The following FSTL4 variants were observed in gnomAD, a reference collection of about 807,000 sequenced individuals.
The protein encoded by FSTL4 is follistatin like 4, also known as follistatin-related protein 4.
FSTL4 carries 28 observed loss-of-function variants against 78.2 expected under a neutral mutation model. The ratio of observed to expected loss-of-function variants is 0.36; its 90% CI spans 0.27 to 0.49. FSTL4 has a LOEUF of 0.49. Among genes scored for constraint, FSTL4 ranks in the 20% least tolerant of loss-of-function variants. FSTL4 has a pLI of 0.98. For missense variants in FSTL4, 922 were observed against 1,084.9 expected (o/e 0.85, Z 2.11); for synonymous variants, 422 against 440.5 (o/e 0.96, Z 0.53).
chr5:133,341,433 C>T (rs529247171), intron 4 of FSTL4, among the ~76,000 whole-genome samples: 206 of 152,226 alleles, frequency 1.4e-3, no homozygotes, highest in Non-Finnish European at 2.4e-3. Flanking sequence ...CCCCAGAACA[C>T]GGCTTCTCCT....
chr5:133,581,444 C>T (rs190484511), intron 2 of FSTL4, among the ~76,000 whole-genome samples: 32 of 152,352 alleles, frequency 2.1e-4, no homozygotes, highest in Middle Eastern at 3.4e-3. Context: ...AGCATGCAGA[C>T]GGCATGCAAT....
chr5:133,437,488 T>G (rs1407697068), intron 3 of FSTL4, among the ~76,000 whole-genome samples: 4 of 139,828 alleles, frequency 2.9e-5, no homozygotes, highest in Non-Finnish European at 6.1e-5. Context: ...AATAGGTGTT[T>G]TTTTTTTTTT....
rs868767462 is a variant in FSTL4, at chr5:133,352,327, C to T, written c.410-35675G>A. Among the ~76,000 whole-genome samples the T allele has an allele frequency of 3.9e-3, 343 of 87,196 alleles. 1 individual carries two copies. The highest frequency in any genetic ancestry group is 0.02 in the African/African-American group (296 of 14,814). 57.2% of individuals were successfully genotyped at this position (87,196 alleles called of 152,430 possible). Reference sequence around the variant, plus strand: ...ATATATATATACACACATATATATACACACATATATATATACACATATATA... The same window carrying T: ...ATATATATATACACACATATATATATACACATATATATATACACATATATA... On this transcript the variant is annotated intron_variant, in intron 4 of 15. Coordinates refer to ENST00000265342, the MANE Select transcript of FSTL4 (RefSeq NM_015082.2).
At position 133,611,496 on chromosome 5, in the gene FSTL4, G is replaced by A. The variant is rs1561486572; in HGVS notation, c.-11+829C>T. The stretch of plus-strand genomic sequence containing the variant: ...TCGTCCAGGTCCCTCCTGAAACTCA[G>A]AACTCGTCTTTGTTTTGCGGGCGCA... On this transcript the variant is annotated intron_variant, in intron 1 of 15. Transcript: ENST00000265342. This position sits in a 1 kb window ranked among gnomAD's most constrained non-coding sequence, Gnocchi z 4.9. Among the ~76,000 whole-genome samples the A allele has an allele frequency of 6.6e-6, 1 of 152,332 alleles. No homozygotes were observed. Among genetic ancestry groups the A allele is most frequent in the South Asian group, 2.1e-4 (1 of 4,828 alleles).
the FSTL4 span, among the ~76,000 whole-genome samples, chr5:133,706,665 C>A: frequency 6.6e-6 from 1 of 152,160 alleles, no homozygotes; most frequent in African/African-American, 2.4e-5. Context: ...TACAGACTTG[C>A]ATATTCATAA....
chr5:133,445,061 C>A (rs2127005764), intron 3 of FSTL4, among the ~76,000 whole-genome samples: 1 of 152,382 alleles, frequency 6.6e-6, no homozygotes. Context: ...TTAAGCCCTG[C>A]ACCTAGCACA....
At chr5:133,488,870 T>A (rs1296199663) in intron 3 of FSTL4, among the ~76,000 whole-genome samples, 1 of 152,076 alleles carries the variant, frequency 6.6e-6, no homozygotes, top group Non-Finnish European at 1.5e-5. Flanking sequence ...TCTAGATAAC[T>A]AATCCTACTC....
At chr5:133,429,997 C>T (rs954877426) in intron 3 of FSTL4, among the ~76,000 whole-genome samples, 3 of 152,152 alleles carry the variant, frequency 2.0e-5, no homozygotes, top group Non-Finnish European at 4.4e-5. Context: ...GTATTTGAGA[C>T]GTGAGCTGTA....
chr5:133,820,341 T>C, the FSTL4 span, among the ~76,000 whole-genome samples: 1 of 152,230 alleles, frequency 6.6e-6, no homozygotes, highest in African/African-American at 2.4e-5. Flanking sequence ...ATTCCCACAT[T>C]TGTGACGTTT....
At chr5:133,787,867 C>T in the FSTL4 span, among the ~76,000 whole-genome samples, 2 of 152,244 alleles carry the variant, frequency 1.3e-5, no homozygotes, top group African/African-American at 2.4e-5. Context: ...ACCTGCCAAT[C>T]TCACGCCTGC....
the FSTL4 span, among the ~76,000 whole-genome samples, chr5:133,797,229 T>C: frequency 6.6e-6 from 1 of 152,174 alleles, no homozygotes; most frequent in African/African-American, 2.4e-5. Flanking sequence ...AAGGTAGACA[T>C]TGATTGGCCT....
chr5:133,593,644 C>T (rs920065387), intron 2 of FSTL4, among the ~76,000 whole-genome samples: 5 of 152,182 alleles, frequency 3.3e-5, no homozygotes, highest in Admixed American at 2.6e-4. Context: ...ACTATGAGCA[C>T]AAGTGTCCTG....
chr5:133,562,860 T>A (rs1759948219), intron 3 of FSTL4, among the ~76,000 whole-genome samples: 1 of 152,164 alleles, frequency 6.6e-6, no homozygotes, highest in African/African-American at 2.4e-5. Flanking sequence ...TTCAACATGA[T>A]GGGAACAGTC....
At chr5:133,760,554 G>A in the FSTL4 span, among the ~76,000 whole-genome samples, 1 of 152,204 alleles carries the variant, frequency 6.6e-6, no homozygotes, top group Non-Finnish European at 1.5e-5. Context: ...AATGGGGGTA[G>A]CTCTCTGCCT....
chr5:133,483,698 G>A (rs960193477), intron 3 of FSTL4, among the ~76,000 whole-genome samples: 6 of 152,284 alleles, frequency 3.9e-5, no homozygotes, highest in East Asian at 1.9e-4. Flanking sequence ...AGGCACAGGC[G>A]GGACATGGTA....
intron 13 of FSTL4, among the ~76,000 whole-genome samples, chr5:133,213,303 T>C (rs1750800893): frequency 6.8e-6 from 1 of 147,684 alleles, no homozygotes; most frequent in South Asian, 2.1e-4. Flanking sequence ...GTGCCTGGCC[T>C]GAGAAATACA....
At position 133,236,575 on chromosome 5, in the gene FSTL4, G is replaced by C. The variant is rs1464352266; in HGVS notation, c.895-3038C>G. On this transcript the variant is annotated intron_variant, in intron 7 of 15. Transcript: ENST00000265342. This position sits in a 1 kb window ranked among gnomAD's most constrained non-coding sequence, Gnocchi z 5.0. ...GCTCTGGCCAGCTGCCACCTTCCTG[G>C]GTGATGCCAGGGACCCCGGCTTCCG... is the stretch of plus-strand genomic sequence containing the variant. Among the ~76,000 whole-genome samples the C allele has an allele frequency of 1.3e-5, 2 of 152,156 alleles. No homozygotes were observed. The highest frequency in any genetic ancestry group is 3.9e-4 in the East Asian group (2 of 5,180).
chr5:133,730,466 C>T, the FSTL4 span, among the ~76,000 whole-genome samples: 3 of 152,152 alleles, frequency 2.0e-5, no homozygotes, highest in Admixed American at 1.3e-4. Context: ...TCTGAGGCCT[C>T]GGGTCCCACA....
At chr5:133,371,884 T>G (rs1048803168) in intron 4 of FSTL4, among the ~76,000 whole-genome samples, 3 of 152,220 alleles carry the variant, frequency 2.0e-5, no homozygotes, top group Admixed American at 1.3e-4. Flanking sequence ...CAGCCTCGGC[T>G]GCTGCTTGTC....
Sources: gnomAD v4.1 joint callset for allele counts (sites outside exome capture counted in the v4.1 genomes callset) on GRCh38, gnomAD v4.1.1 for gene constraint, Gnocchi (gnomAD v3.1) non-coding constraint, MANE v1.5 for transcripts, NCBI Gene and HGNC (gene_info 2026-07-23, HGNC 2026-07-21) for gene names.